Variants in TTC29 observed in about 807,000 individuals in gnomAD.
TTC29 encodes tetratricopeptide repeat domain 29.
In TTC29, 49 loss-of-function variants were observed where a neutral mutation model predicts 58.1. The ratio of observed to expected loss-of-function variants is 0.84; its 90% CI spans 0.67 to 1.07. The LOEUF is 1.07. Ranked by LOEUF, TTC29 falls within the 50% of genes least tolerant of loss-of-function variation. The pLI is 0.00. For missense variants in TTC29, 582 were observed against 555.6 expected, an observed-to-expected ratio of 1.05 and a Z score of -0.48; for synonymous variants, 209 against 196.8, an observed-to-expected ratio of 1.06 and a Z score of -0.52.
At chr4:146,926,732 G>T (rs1734959786) in intron 4 of TTC29, among the ~76,000 whole-genome samples, 1 of 151,982 alleles carries the variant, frequency 6.6e-6, no homozygotes, top group Non-Finnish European at 1.5e-5. Flanking sequence ...CAAAGTGCTG[G>T]GATTACAGAC....
chr4:146,903,729 T>C lies in TTC29; in HGVS notation c.401A>G (p.Glu134Gly). 1 of 1,563,334 alleles carries C rather than the reference T, an allele frequency of 6.4e-7. No homozygotes were observed. ...GTTATTATGTACATCTTCGAAGGAT[T>C]CTTCAAAGAGAGAAAAGCACCATGA... ...LTRAEDAERK[E>G]SFEDVHNNLY... The change falls in exon 6 of 13, where the codon GAA (glutamate) becomes GGA (glycine). Residue 134 changes from glutamate (E) to glycine (G), a missense_variant and splice_region_variant. By Grantham distance (98) the Glu-to-Gly change is moderately conservative. Coordinates refer to ENST00000325106, the MANE Select transcript of TTC29 (RefSeq NM_031956.4).
At chr4:146,860,565 A>G (rs1361236582) in intron 8 of TTC29, among the ~76,000 whole-genome samples, 1 of 152,172 alleles carries the variant, frequency 6.6e-6, no homozygotes, top group African/African-American at 2.4e-5. Context: ...GGCAGCATAT[A>G]CAGCATGGAT....
At chr4:146,893,564 T>C (rs1336813717) in intron 6 of TTC29, among the ~76,000 whole-genome samples, 1 of 152,080 alleles carries the variant, frequency 6.6e-6, no homozygotes, top group Non-Finnish European at 1.5e-5. Flanking sequence ...ATGTTAGACC[T>C]GAAACCATAA....
At chr4:146,755,912 C>T (rs538051833) in intron 11 of TTC29, among the ~76,000 whole-genome samples, 116 of 152,102 alleles carry the variant, frequency 7.6e-4, no homozygotes, top group African/African-American at 2.7e-3. Context: ...GTATCTCAAC[C>T]TATTATAGGT....
intron 11 of TTC29, among the ~76,000 whole-genome samples, chr4:146,723,114 G>A (rs1417595873): frequency 6.6e-6 from 1 of 152,074 alleles, no homozygotes; most frequent in East Asian, 1.9e-4. Flanking sequence ...CAGGTGTGGT[G>A]GCACGTGCCT....
chr4:146,767,023 T>A (rs188237576), intron 11 of TTC29, among the ~76,000 whole-genome samples: 6 of 152,254 alleles, frequency 3.9e-5, no homozygotes, highest in Admixed American at 2.6e-4. Context: ...TAGCTATTGC[T>A]TTAGCAACTT....
chr4:146,842,627 C>T (rs993373044), intron 8 of TTC29, among the ~76,000 whole-genome samples: 10 of 152,056 alleles, frequency 6.6e-5, no homozygotes, highest in African/African-American at 2.4e-4. Context: ...TCTCTGTTAA[C>T]AAGAAGTTAT....
chr4:146,725,034 T>C (rs1449106622), intron 11 of TTC29, among the ~76,000 whole-genome samples: 2 of 152,182 alleles, frequency 1.3e-5, no homozygotes, highest in Non-Finnish European at 2.9e-5. Flanking sequence ...GAATGAATAC[T>C]AGCTTTGGAA....
chr4:146,712,175 T>G (rs1742546737), intron 11 of TTC29, among the ~76,000 whole-genome samples: 1 of 152,108 alleles, frequency 6.6e-6, no homozygotes, highest in Non-Finnish European at 1.5e-5. Flanking sequence ...AAAGGCTTAT[T>G]TAGATAAGCT....
At chr4:146,911,007 T>C (rs1325434005) in intron 4 of TTC29, among the ~76,000 whole-genome samples, 2 of 152,146 alleles carry the variant, frequency 1.3e-5, no homozygotes, top group Non-Finnish European at 2.9e-5. Context: ...GTCAACATCC[T>C]GTGAAATGCA....
At chr4:146,923,626 C>T (rs773185848) in intron 4 of TTC29, among the ~76,000 whole-genome samples, 18 of 151,888 alleles carry the variant, frequency 1.2e-4, no homozygotes, top group Admixed American at 2.6e-4. Context: ...GAAGAGACGC[C>T]GCTGTCAATG....
At chr4:146,713,111 CGTGT>C (rs10678715) in intron 11 of TTC29, among the ~76,000 whole-genome samples, 14 of 139,544 alleles carry the variant, frequency 1.0e-4, no homozygotes, top group African/African-American at 2.4e-4. Flanking sequence ...GAGAATTGAT[CGTGT>C]GTGTGTGTGT....
intron 6 of TTC29, among the ~76,000 whole-genome samples, chr4:146,878,409 C>T (rs952461997): frequency 1.3e-5 from 2 of 152,108 alleles, no homozygotes; most frequent in African/African-American, 4.8e-5. Flanking sequence ...CAAGGCTTTT[C>T]TCTCCCCTAC....
intron 4 of TTC29, among the ~76,000 whole-genome samples, chr4:146,915,569 C>T (rs1160072747): frequency 6.6e-6 from 1 of 151,952 alleles, no homozygotes; most frequent in Non-Finnish European, 1.5e-5. Context: ...GGATAAAAAG[C>T]ATATACTTCT....
intron 6 of TTC29, among the ~76,000 whole-genome samples, chr4:146,897,253 AG>A (rs1324988295): frequency 6.6e-6 from 1 of 152,174 alleles, no homozygotes; most frequent in African/African-American, 2.4e-5. Context: ...CCTGAGAGGT[AG>A]GGGTTAACAC....
chr4:146,908,886 A>G, intron 5 of TTC29, 140 bp downstream of exon 5: 1 of 726,226 alleles, frequency 1.4e-6, no homozygotes, highest in East Asian at 2.6e-5. Flanking sequence ...TTAATTCCAT[A>G]AAGACGTTTA....
At chr4:146,862,832 C>T (rs1730324780) in intron 8 of TTC29, among the ~76,000 whole-genome samples, 1 of 152,102 alleles carries the variant, frequency 6.6e-6, no homozygotes, top group South Asian at 2.1e-4. Flanking sequence ...CAAGAACCAA[C>T]TAAACCTGGG....
At chr4:146,928,775 A>G (rs1735110263) in intron 4 of TTC29, among the ~76,000 whole-genome samples, 1 of 152,136 alleles carries the variant, frequency 6.6e-6, no homozygotes, top group South Asian at 2.1e-4. Context: ...CAAGCCACCA[A>G]TGTCTTTTGC....
chr4:146,916,793 T>C (rs1734250557), intron 4 of TTC29, among the ~76,000 whole-genome samples: 1 of 151,420 alleles, frequency 6.6e-6, no homozygotes, highest in Admixed American at 6.6e-5. Flanking sequence ...AAATGTAAAG[T>C]TATGCATGGT....
Sources: gnomAD v4.1 joint callset for allele counts (sites outside exome capture counted in the v4.1 genomes callset) on GRCh38, gnomAD v4.1.1 for gene constraint, MANE v1.5 for transcripts, NCBI Gene and HGNC (gene_info 2026-07-23, HGNC 2026-07-21) for gene names.